Variants in IL1RL1 observed in about 807,000 individuals in gnomAD.
IL1RL1 encodes interleukin-1 receptor-like 1.
In IL1RL1, 32 loss-of-function variants were observed where a neutral mutation model predicts 50.9. That is an observed-to-expected ratio of 0.63 (90% CI 0.47 to 0.84). The LOEUF is 0.84. Among genes scored for constraint, IL1RL1 ranks in the 40% least tolerant of loss-of-function variants. The pLI is 0.00. For missense variants in IL1RL1, 773 were observed against 662.9 expected (o/e 1.17, Z -1.82); for synonymous variants, 275 against 236.0 (o/e 1.17, Z -1.51).
At chr2:102,321,508 G>GAA (rs1559595622) in intron 1 of IL1RL1, among the ~76,000 whole-genome samples, 1 of 152,080 alleles carries the variant, frequency 6.6e-6, no homozygotes, top group East Asian at 1.9e-4. Flanking sequence ...TGGTATGTGC[G>GAA]GCCATGTTAG....
intron 1 of IL1RL1, among the ~76,000 whole-genome samples, chr2:102,325,096 C>A (rs561915403): frequency 6.6e-6 from 1 of 152,134 alleles, no homozygotes; most frequent in African/African-American, 2.4e-5. Flanking sequence ...CTGGGAGGCA[C>A]CCCCCAGTAG....
chr2:102,320,016 C>G (rs1032231165), intron 1 of IL1RL1, among the ~76,000 whole-genome samples: 1 of 152,156 alleles, frequency 6.6e-6, no homozygotes, highest in Non-Finnish European at 1.5e-5. Flanking sequence ...ATTTTAAAAA[C>G]TTTTCTTTAT....
chr2:102,316,058 T>C (rs1246598796), intron 1 of IL1RL1, among the ~76,000 whole-genome samples: 1 of 152,204 alleles, frequency 6.6e-6, no homozygotes, highest in Non-Finnish European at 1.5e-5. Context: ...GGTCGCTGGG[T>C]CAGATCCAGG....
chr2:102,329,763 G>T (rs956598093), intron 1 of IL1RL1, among the ~76,000 whole-genome samples: 10 of 152,178 alleles, frequency 6.6e-5, no homozygotes, highest in African/African-American at 2.2e-4. Context: ...GGCCATCAGA[G>T]AAATGCAAAT....
intron 1 of IL1RL1, among the ~76,000 whole-genome samples, chr2:102,331,653 C>T (rs928209004): frequency 9.9e-5 from 15 of 152,160 alleles, no homozygotes; most frequent in Admixed American, 3.3e-4. Flanking sequence ...GACAGATATT[C>T]GGGGTAGAGA....
At chr2:102,347,110 C>T (rs906218531) in intron 8 of IL1RL1, among the ~76,000 whole-genome samples, 4 of 152,182 alleles carry the variant, frequency 2.6e-5, no homozygotes, top group Non-Finnish European at 5.9e-5. Flanking sequence ...GTGACTCTTG[C>T]TTCTTCTCCT....
At chr2:102,325,711 G>A (rs1676977880) in intron 1 of IL1RL1, among the ~76,000 whole-genome samples, 1 of 152,230 alleles carries the variant, frequency 6.6e-6, no homozygotes, top group African/African-American at 2.4e-5. Flanking sequence ...GAATGCGCAA[G>A]CCTCAGTAGC....
chr2:102,323,486 G>A (rs1676898931), intron 1 of IL1RL1, among the ~76,000 whole-genome samples: 2 of 151,904 alleles, frequency 1.3e-5, no homozygotes, highest in Non-Finnish European at 1.5e-5. Flanking sequence ...CAAAGTTCAA[G>A]ACTGGGCAAC....
intron 1 of IL1RL1, among the ~76,000 whole-genome samples, chr2:102,312,235 G>A (rs932194047): frequency 1.4e-5 from 2 of 144,980 alleles, no homozygotes; most frequent in African/African-American, 5.1e-5. Flanking sequence ...GTTTAATTGT[G>A]TTTTGGTGCC....
intron 8 of IL1RL1, among the ~76,000 whole-genome samples, chr2:102,347,702 A>G (rs1254952260): frequency 6.6e-6 from 1 of 152,094 alleles, no homozygotes; most frequent in East Asian, 1.9e-4. Context: ...CTCCCATCTT[A>G]GTTAAGTTGA....
intron 1 of IL1RL1, among the ~76,000 whole-genome samples, chr2:102,321,604 C>G (rs1163390009): frequency 6.6e-6 from 1 of 152,162 alleles, no homozygotes; most frequent in Non-Finnish European, 1.5e-5. Context: ...CGAGTAATTA[C>G]TAGATGCATC....
intron 1 of IL1RL1, among the ~76,000 whole-genome samples, chr2:102,312,274 T>C (rs964403415): frequency 1.4e-5 from 2 of 147,752 alleles, no homozygotes; most frequent in African/African-American, 2.5e-5. Flanking sequence ...TATAATATAA[T>C]ATATAATGTA....
At chr2:102,330,502 G>T (rs1467685457) in intron 1 of IL1RL1, among the ~76,000 whole-genome samples, 2 of 152,154 alleles carry the variant, frequency 1.3e-5, no homozygotes, top group Admixed American at 1.3e-4. Flanking sequence ...AAAAGAAGAA[G>T]TAGAATCTCA....
At chr2:102,349,748 A>G (rs560128253) in intron 10 of IL1RL1, among the ~76,000 whole-genome samples, 1 of 152,314 alleles carries the variant, frequency 6.6e-6, no homozygotes, top group East Asian at 1.9e-4. Flanking sequence ...CTGTTCCTTA[A>G]TATTCCTACC....
At position 102,338,908 on chromosome 2, in the gene IL1RL1, A is replaced by T. The variant is rs777551329; in HGVS notation, c.133A>T (p.Thr45Ser). Residue 45 changes from threonine to serine, a missense_variant, in exon 3 of 11, where the codon ACC becomes TCC. Transcript: ENST00000233954. ...RCPRQGKPSY[T>S]VDWYYSQTNK... The stretch of plus-strand genomic sequence containing the variant: ...TCCTAGACAAGGAAAACCTAGTTAC[A>T]CCGTGGATTGGTATTACTCACAAAC... The T allele has an allele frequency of 2.5e-6, 4 of 1,613,844 alleles. No individual in the cohort carries two copies. Among genetic ancestry groups the T allele is most frequent in the Non-Finnish European group, 2.5e-6 (3 of 1,179,770 alleles).
chr2:102,348,972 C>T (rs1677858885), intron 9 of IL1RL1, 107 bp from the exon 10 acceptor site: 2 of 779,802 alleles, frequency 2.6e-6, no homozygotes, highest in Non-Finnish European at 4.3e-6. Context: ...TGGAGGATGA[C>T]ATACATTCAC....
intron 1 of IL1RL1, among the ~76,000 whole-genome samples, chr2:102,329,359 A>C (rs1361935555): frequency 6.6e-6 from 1 of 152,214 alleles, no homozygotes. Flanking sequence ...TAAAGACTGA[A>C]ATTTTAGACC....
At position 102,343,266 on chromosome 2, in the gene IL1RL1, T is replaced by G; in HGVS notation, c.825-4T>G. On this transcript the variant is annotated splice_polypyrimidine_tract_variant and splice_region_variant and intron_variant, in intron 7 of 10. Coordinates refer to ENST00000233954, the MANE Select transcript of IL1RL1 (RefSeq NM_016232.5). ...GCATTAAAAGTAACAGGTTGCTTTC[T>G]TAGTTTCAGCAATGGGCTGGCTTGT... The G allele has an allele frequency of 1.2e-6, 2 of 1,614,204 alleles. No individual in the cohort carries two copies. The highest frequency in any genetic ancestry group is 2.2e-5 in the South Asian group (2 of 91,084).
At position 102,332,895 on chromosome 2, in the gene IL1RL1, T is replaced by C. The variant is rs551865779; in HGVS notation, c.-149-5221T>C. On this transcript the variant is annotated intron_variant, in intron 1 of 10. Transcript: ENST00000233954. ...GTTAGGCTAAGTCTCACAGAGAATGTACAGTTTGAGTGCTCACTTGGAGGA... is the reference window on the plus strand; with the variant it reads ...GTTAGGCTAAGTCTCACAGAGAATGCACAGTTTGAGTGCTCACTTGGAGGA... 3.3e-5 allele frequency among the ~76,000 whole-genome samples: 5 copies of C among 152,260 alleles called. No homozygotes were observed. In the East Asian group the frequency reaches 9.6e-4, roughly 29 times the overall value.
Sources: allele counts gnomAD v4.1 joint callset (sites outside exome capture counted in the v4.1 genomes callset), GRCh38; gene constraint gnomAD v4.1.1; transcripts MANE v1.5; gene names NCBI Gene and HGNC (gene_info 2026-07-23, HGNC 2026-07-21).